Variants in SLC6A16 observed in about 807,000 individuals in gnomAD.
SLC6A16 encodes solute carrier family 6 member 16.
In SLC6A16, 54 loss-of-function variants were observed where a neutral mutation model predicts 65.4. The observed-to-expected ratio is 0.83, with a 90% confidence interval of 0.66 to 1.04. The LOEUF (loss-of-function observed/expected upper bound fraction) is 1.04, where lower values mean the gene tolerates loss of function less well. Ranked by LOEUF, SLC6A16 falls within the 50% of genes least tolerant of loss-of-function variation. The pLI, the probability that SLC6A16 is intolerant of heterozygous loss-of-function variation, is 0.00. For synonymous variants in SLC6A16, 330 were observed against 346.5 expected (o/e 0.95, Z 0.53); for missense variants, 816 against 914.0 (o/e 0.89, Z 1.38).
chr19:49,290,612 G>C lies in SLC6A16; in HGVS notation c.1934C>G (p.Ser645Ter), dbSNP rs755847280. ...GTCCTGGGGGAGGCTCACGGTGCTT[G>C]AGTCCCAGGACATGTAGGTGATCGG... ...MKPITYMSWD[S>*]STSKEVLRPY... Residue 645 changes from serine to a stop codon, truncating the protein, a stop_gained, in exon 11 of 12, where the codon TCA becomes TGA. Coordinates refer to ENST00000335875, the MANE Select transcript of SLC6A16 (RefSeq NM_014037.3). LOFTEE classifies it low-confidence loss of function (END_TRUNC). The C allele has an allele frequency of 6.2e-7, 1 of 1,614,080 alleles. No homozygotes were observed. The highest frequency in any genetic ancestry group is 8.5e-7 in the Non-Finnish European group (1 of 1,179,974).
chr19:49,334,666 GT>G, the SLC6A16 span, among the ~76,000 whole-genome samples: 122,598 of 151,332 alleles, frequency 0.81, 50,201 homozygotes, highest in African/African-American at 0.93. Flanking sequence ...CCCTATCTCT[GT>G]TTTTTTTTAA....
Position 49,311,238 on chromosome 19 carries a change from G to A in SLC6A16, c.110C>T (p.Ser37Leu). ...CCAAGATGTTGCAGACCGGGTCAATGAACCCTTGTCTTCCCACGTTTGACT... is the reference window on the plus strand; with the variant it reads ...CCAAGATGTTGCAGACCGGGTCAATAAACCCTTGTCTTCCCACGTTTGACT... ...PGSQTWEDKGSLTRSATSWTS... is the reference protein window; with the variant it reads ...PGSQTWEDKGLLTRSATSWTS... The change falls in exon 2 of 12, where the codon TCA (serine) becomes TTA (leucine). Residue 37 changes from serine to leucine, a missense_variant. Ser to Leu is a moderately radical substitution (Grantham distance 145). Coordinates refer to ENST00000335875, the MANE Select transcript of SLC6A16 (RefSeq NM_014037.3). 1 of 1,614,124 alleles carries A rather than the reference G, an allele frequency of 6.2e-7. No individual in the cohort carries two copies. The highest frequency in any genetic ancestry group is 8.5e-7 in the Non-Finnish European group (1 of 1,180,004).
At chr19:49,325,025 G>A in intron 1 of SLC6A16, 23 bp downstream of exon 1, 2 of 985,208 alleles carry the variant, frequency 2.0e-6, no homozygotes, top group Non-Finnish European at 2.4e-6. Context: ...ACATTTTAGG[G>A]CTCCCTGGGC....
the SLC6A16 span, chr19:49,337,909 A>T: frequency 6.2e-7 from 1 of 1,613,892 alleles, no homozygotes; most frequent in Non-Finnish European, 8.5e-7. Context: ...GCCCAGCCTC[A>T]CTGGTGGCCT....
chr19:49,297,228 G>A (rs991471176), intron 7 of SLC6A16, among the ~76,000 whole-genome samples: 3 of 151,786 alleles, frequency 2.0e-5, no homozygotes, highest in African/African-American at 4.8e-5. Context: ...TAATTTCACC[G>A]CCCAAAAAAA....
At chr19:49,337,754 G>T in the SLC6A16 span, 1 of 1,537,126 alleles carries the variant, frequency 6.5e-7, no homozygotes, top group African/African-American at 1.4e-5. Flanking sequence ...ATGAGCCGTA[G>T]AAATAGTGGA....
chr19:49,327,446 A>C (rs909251126), upstream of SLC6A16, among the ~76,000 whole-genome samples: 13 of 152,320 alleles, frequency 8.5e-5, no homozygotes, highest in Middle Eastern at 3.4e-3. Context: ...GTTGAGGCTT[A>C]AAGGATTATT....
At position 49,310,990 on chromosome 19, in the gene SLC6A16, A is replaced by G; in HGVS notation, c.358T>C (p.Ser120Pro). The G allele has an allele frequency of 6.2e-7, 1 of 1,614,216 alleles. No homozygotes were observed. Among genetic ancestry groups the G allele is most frequent in the Admixed American group, 1.7e-5 (1 of 60,012 alleles). The change falls in exon 2 of 12, where the codon TCT becomes CCT. Residue 120 changes from serine to proline, a missense_variant. Ser to Pro is a moderately conservative substitution (Grantham distance 74). Transcript: ENST00000335875. The part of the protein sequence containing the change: ...TEYILAQVGF[S>P]MKPSCLWRFA... Reference sequence around the variant, plus strand: ...CGCCAGAGACAAGATGGCTTCATAGAGAAGCCCACCTGAGCCAGAATATAC... The same window carrying G: ...CGCCAGAGACAAGATGGCTTCATAGGGAAGCCCACCTGAGCCAGAATATAC...
chr19:49,339,986 G>A, the SLC6A16 span: 2 of 1,434,040 alleles, frequency 1.4e-6, no homozygotes, highest in Non-Finnish European at 1.8e-6. The surrounding 1 kb of genome is among the most constrained non-coding windows in gnomAD (Gnocchi z 4.5). Flanking sequence ...GAAGACAGAT[G>A]AGCCTCCAAA....
intron 9 of SLC6A16, 74 bp downstream of exon 9, chr19:49,293,753 C>G: frequency 7.4e-7 from 1 of 1,350,380 alleles, no homozygotes; most frequent in Non-Finnish European, 1.1e-6. Flanking sequence ...TACAGGGACC[C>G]TGTCCCAAAA....
At chr19:49,309,998 T>A (rs1970480756) in intron 4 of SLC6A16, 42 bp downstream of exon 4, 2 of 1,597,564 alleles carry the variant, frequency 1.3e-6, no homozygotes, top group African/African-American at 2.7e-5. Flanking sequence ...TACTTCTACT[T>A]CTCCATTTTT....
chr19:49,319,734 A>C (rs967045069), intron 1 of SLC6A16, among the ~76,000 whole-genome samples: 3 of 151,996 alleles, frequency 2.0e-5, no homozygotes, highest in Admixed American at 6.6e-5. Context: ...TATTCAGAAC[A>C]CTCTAGCCAA....
chr19:49,303,806 C>T (rs1330545285), intron 7 of SLC6A16, among the ~76,000 whole-genome samples: 1 of 152,154 alleles, frequency 6.6e-6, no homozygotes, highest in African/African-American at 2.4e-5. Flanking sequence ...TATATTTGCC[C>T]TTTTTAAAAC....
chr19:49,306,670 G>A lies in SLC6A16; in HGVS notation c.1229+2206C>T, dbSNP rs146804528. 5.5e-3 allele frequency among the ~76,000 whole-genome samples: 841 copies of A among 151,692 alleles called. 8 individuals are homozygous for A. The highest frequency in any genetic ancestry group is 0.019 in the African/African-American group (781 of 41,330). ...CAATTCTCCTGCTTTGGCCTCCTGA[G>A]TAGCTGGGACTACAGGTGTGTGCCA... On this transcript the variant is annotated intron_variant, in intron 7 of 11. Transcript: ENST00000335875.
intron 7 of SLC6A16, 36 bp downstream of exon 7, chr19:49,308,840 T>C (rs1423986558): frequency 9.3e-6 from 15 of 1,611,670 alleles, no homozygotes; most frequent in Non-Finnish European, 1.1e-5. Flanking sequence ...TAAAGTTCCC[T>C]GGAGCTGAGA....
chr19:49,329,758 G>A (rs982886513), upstream of SLC6A16, among the ~76,000 whole-genome samples: 10 of 148,152 alleles, frequency 6.7e-5, no homozygotes, highest in South Asian at 4.4e-4. Flanking sequence ...TCAGCCTCCC[G>A]AATAGCTGGG....
chr19:49,310,830 C>CT, intron 2 of SLC6A16, 103 bp downstream of exon 2: 1 of 938,282 alleles, frequency 1.1e-6, no homozygotes, highest in Non-Finnish European at 1.6e-6. Flanking sequence ...AGCACCAGGT[C>CT]TTTAGTCTCT....
chr19:49,294,078 C>CA (rs771904373), intron 8 of SLC6A16, 50 bp from the exon 9 acceptor site: 11 of 1,470,000 alleles, frequency 7.5e-6, no homozygotes, highest in African/African-American at 7.0e-5. Context: ...TAAACAATAA[C>CA]AAAAAAATAT....
the SLC6A16 span, chr19:49,331,613 TTACA>T: frequency 1.6e-5 from 6 of 368,550 alleles, no homozygotes; most frequent in Admixed American, 1.4e-4. Flanking sequence ...AGGTTGTTAC[TTACA>T]TAAAGTCCAA....
Sources: gnomAD v4.1 joint callset for allele counts (sites outside exome capture counted in the v4.1 genomes callset) on GRCh38, gnomAD v4.1.1 for gene constraint, Gnocchi (gnomAD v3.1) non-coding constraint, MANE v1.5 for transcripts, NCBI Gene and HGNC (gene_info 2026-07-23, HGNC 2026-07-21) for gene names.